The following AFF2 variants were observed in gnomAD, a reference collection of about 807,000 sequenced individuals.
The protein encoded by AFF2 is ALF transcription elongation factor 2.
Under a neutral mutation model 76.9 loss-of-function variants are expected in AFF2, and 14 were observed. That is an observed-to-expected ratio of 0.18 (90% CI 0.12 to 0.28). The LOEUF (loss-of-function observed/expected upper bound fraction) is 0.28, where lower values mean the gene tolerates loss of function less well. Among genes scored for constraint, AFF2 ranks in the 10% least tolerant of loss-of-function variants. The pLI is 1.00. For missense variants in AFF2, 868 were observed against 1,001.1 expected (o/e 0.87, Z 1.79); for synonymous variants, 398 against 366.7 (o/e 1.09, Z -0.98).
chrX:148,901,143 A>G (rs1467229827), intron 8 of AFF2, among the ~76,000 whole-genome samples: 3 of 111,981 alleles, frequency 2.7e-5, no homozygotes, highest in African/African-American at 6.5e-5. Context: ...TGATGCTCAA[A>G]GGTGTTTAGT....
At chrX:148,578,885 A>G (rs1557243916) in intron 1 of AFF2, among the ~76,000 whole-genome samples, 1 of 111,887 alleles carries the variant, frequency 8.9e-6, no homozygotes, top group East Asian at 2.8e-4. Flanking sequence ...TGTTTTAGAA[A>G]GGCACCCCTC....
At chrX:148,572,271 G>A (rs2053238052) in intron 1 of AFF2, among the ~76,000 whole-genome samples, 1 of 111,868 alleles carries the variant, frequency 8.9e-6, no homozygotes, top group African/African-American at 3.2e-5. Context: ...TGTTGGCGAG[G>A]ATGTCGCGAA....
At position 148,998,907 on chromosome X, in the gene AFF2, C is replaced by G. The variant is rs2072641341; in HGVS notation, c.*7575C>G. ...TTCTTTCCTCCTTCCCTCTGTCCAT[C>G]ACCCCTCATTAAAATATTGAAATCT... On this transcript the variant is annotated 3_prime_UTR_variant, in exon 21 of 21. Transcript: ENST00000370460. 2 of 109,589 alleles carry G rather than the reference C, an allele frequency of 1.8e-5. No homozygotes were observed. 9.0% of individuals were successfully genotyped at this position (109,589 alleles called of 1,213,427 possible). A position where few individuals can be genotyped will look rare whatever the true frequency, so the allele number is the denominator to read the frequency against.
At chrX:148,814,678 G>A (rs2070243598) in intron 4 of AFF2, among the ~76,000 whole-genome samples, 2 of 111,882 alleles carry the variant, frequency 1.8e-5, no homozygotes, top group Admixed American at 9.5e-5. Flanking sequence ...TATGATCTGT[G>A]TTTACAGCAT....
At chrX:148,832,125 C>A (rs1360615690) in intron 4 of AFF2, among the ~76,000 whole-genome samples, 2 of 110,628 alleles carry the variant, frequency 1.8e-5, no homozygotes, top group African/African-American at 3.3e-5. Context: ...TGGGAGTACA[C>A]TATCTGTAAA....
At chrX:148,988,518 C>G (rs140862628) in intron 20 of AFF2, among the ~76,000 whole-genome samples, 2 of 111,590 alleles carry the variant, frequency 1.8e-5, no homozygotes, top group East Asian at 5.6e-4. Flanking sequence ...CTATAATGGA[C>G]GTAATGGTGA....
intron 4 of AFF2, among the ~76,000 whole-genome samples, chrX:148,815,567 C>A (rs1023193854): frequency 8.9e-6 from 1 of 111,779 alleles, no homozygotes; most frequent in Admixed American, 9.5e-5. Context: ...GCAGGTAAGC[C>A]ATCCAGTGTG....
chrX:148,638,693 A>G (rs1483016658), intron 1 of AFF2, among the ~76,000 whole-genome samples: 1 of 111,410 alleles, frequency 9.0e-6, no homozygotes, highest in Non-Finnish European at 1.9e-5. Context: ...CTCACGTGGC[A>G]AAAGAAGGAG....
intron 9 of AFF2, among the ~76,000 whole-genome samples, chrX:148,918,401 A>G (rs1479706095): frequency 2.7e-5 from 3 of 111,958 alleles, no homozygotes; most frequent in African/African-American, 9.7e-5. Flanking sequence ...GATCCTGCCT[A>G]ATTGGGAAGA....
At chrX:148,616,332 G>C (rs1307934600) in intron 1 of AFF2, among the ~76,000 whole-genome samples, 6 of 111,440 alleles carry the variant, frequency 5.4e-5, no homozygotes, top group African/African-American at 2.0e-4. Flanking sequence ...AAAGAACCCA[G>C]GGAAGAGTTG....
chrX:148,604,818 T>C (rs782634374), intron 1 of AFF2, among the ~76,000 whole-genome samples: 1 of 109,747 alleles, frequency 9.1e-6, no homozygotes, highest in Non-Finnish European at 1.9e-5. Context: ...AATAATGAGG[T>C]AGAGAGCAGA....
intron 3 of AFF2, among the ~76,000 whole-genome samples, chrX:148,798,197 A>T (rs782668860): frequency 9.0e-6 from 1 of 111,641 alleles, no homozygotes; most frequent in South Asian, 3.9e-4. Context: ...AGAGAGAAGC[A>T]GAAACAAAAG....
At chrX:148,647,187 G>T (rs1159243387) in intron 1 of AFF2, among the ~76,000 whole-genome samples, 1 of 112,177 alleles carries the variant, frequency 8.9e-6, no homozygotes, top group Non-Finnish European at 1.9e-5. Context: ...GATTAAATAT[G>T]TATTTTTATG....
At position 148,686,007 on chromosome X, in the gene AFF2, T is replaced by C. The variant is rs186698203; in HGVS notation, c.1041+23239T>C. Among the ~76,000 whole-genome samples, 6 of 110,661 alleles carry C rather than the reference T, an allele frequency of 5.4e-5. No homozygotes were observed. The Admixed American group carries it at 5.8e-4, about 11-fold the overall frequency. On this transcript the variant is annotated intron_variant, in intron 3 of 20. Transcript: ENST00000370460. ...CACTCCTATCTGTAACCATTTTTCT[T>C]CTTTCTTTTCTTCTCAGGAGATTTT...
intron 3 of AFF2, among the ~76,000 whole-genome samples, chrX:148,696,780 T>C (rs1168645278): frequency 8.9e-6 from 1 of 111,971 alleles, no homozygotes. Context: ...CCTTAACTCA[T>C]CACCCAATTC....
intron 12 of AFF2, 45 bp from the exon 13 acceptor site, chrX:148,962,670 G>A (rs1557288164): frequency 9.3e-7 from 1 of 1,076,582 alleles, no homozygotes; most frequent in South Asian, 1.9e-5. Context: ...TCAGAATAAA[G>A]AGAGAGAAGA....
chrX:148,652,970 G>C (rs1557256588), intron 2 of AFF2, among the ~76,000 whole-genome samples: 1 of 112,074 alleles, frequency 8.9e-6, no homozygotes, highest in East Asian at 2.8e-4. Context: ...TGTGATTTTA[G>C]AAGAGTACCC....
chrX:148,536,133 C>T (rs1351610390), intron 1 of AFF2, among the ~76,000 whole-genome samples: 1 of 109,656 alleles, frequency 9.1e-6, no homozygotes, highest in East Asian at 2.8e-4. Context: ...TCGCTTGAAC[C>T]CAGGAGGTGG....
chrX:148,689,841 G>C (rs1365606283), intron 3 of AFF2, among the ~76,000 whole-genome samples: 1 of 111,816 alleles, frequency 8.9e-6, no homozygotes, highest in Non-Finnish European at 1.9e-5. Flanking sequence ...TATTTGGCTG[G>C]CTTTGTTGCA....
Sources: allele counts gnomAD v4.1 joint callset (sites outside exome capture counted in the v4.1 genomes callset), GRCh38; gene constraint gnomAD v4.1.1; transcripts MANE v1.5; gene names NCBI Gene and HGNC (gene_info 2026-07-23, HGNC 2026-07-21).